Variants in PAK2 observed in about 807,000 individuals in gnomAD.
PAK2 encodes serine/threonine-protein kinase PAK 2.
PAK2 carries 21 observed loss-of-function variants against 65.9 expected under a neutral mutation model. The ratio of observed to expected loss-of-function variants is 0.32; its 90% CI spans 0.23 to 0.46. PAK2 has a LOEUF of 0.46. Among genes scored for constraint, PAK2 ranks in the 20% least tolerant of loss-of-function variants. PAK2 has a pLI of 1.00. For missense variants in PAK2, 324 were observed against 642.6 expected, an observed-to-expected ratio of 0.50 and a Z score of 5.36; for synonymous variants, 204 against 219.7, an observed-to-expected ratio of 0.93 and a Z score of 0.63.
intron 1 of PAK2, among the ~76,000 whole-genome samples, chr3:196,764,551 G>A (rs899412681): frequency 2.2e-4 from 34 of 151,452 alleles, no homozygotes; most frequent in African/African-American, 7.3e-4. Flanking sequence ...CCTGGGAGGC[G>A]GAGGTTGCAG....
rs574455132 is a variant in PAK2, at chr3:196,778,284, C to T, written c.-21-4342C>T. On this transcript the variant is annotated intron_variant, in intron 1 of 14. Transcript: ENST00000327134. ...ATGGATACACCACGTTTTGTGTATCCGTTCATCAGTTGATGGATATTTGGG... is the reference window on the plus strand; with the variant it reads ...ATGGATACACCACGTTTTGTGTATCTGTTCATCAGTTGATGGATATTTGGG... Among the ~76,000 whole-genome samples the T allele has an allele frequency of 4.6e-5, 7 of 152,278 alleles. No individual in the cohort carries two copies. In the East Asian group the frequency reaches 1.2e-3, roughly 25 times the overall value.
At chr3:196,805,116 A>G (rs188486253) in intron 4 of PAK2, among the ~76,000 whole-genome samples, 118 of 152,180 alleles carry the variant, frequency 7.8e-4, no homozygotes, top group Non-Finnish European at 1.1e-3. Flanking sequence ...CACCCATTTT[A>G]AATATATAAT....
At chr3:196,779,405 C>T (rs1462960071) in intron 1 of PAK2, among the ~76,000 whole-genome samples, 1 of 152,152 alleles carries the variant, frequency 6.6e-6, no homozygotes, top group African/African-American at 2.4e-5. Flanking sequence ...TCCATTTTCC[C>T]TTTCCCATGC....
intron 2 of PAK2, among the ~76,000 whole-genome samples, chr3:196,792,732 C>T (rs73891507): frequency 0.019 from 2,817 of 152,150 alleles, 85 homozygotes; most frequent in African/African-American, 0.063. Context: ...TGGTTAAACA[C>T]AGCATGTTGA....
chr3:196,806,527 G>A (rs1715589185), intron 5 of PAK2, 52 bp from the exon 6 acceptor site: 7 of 1,092,214 alleles, frequency 6.4e-6, no homozygotes, highest in East Asian at 2.4e-5. Context: ...GGCGATAGTC[G>A]CATTTAAGCC....
intron 1 of PAK2, among the ~76,000 whole-genome samples, chr3:196,750,371 A>AT (rs1409273417): frequency 6.6e-6 from 1 of 151,648 alleles, no homozygotes; most frequent in South Asian, 2.1e-4. Context: ...TTTTGCAGAT[A>AT]TTTTTTTTCT....
chr3:196,744,969 T>C (rs1255735796), intron 1 of PAK2, among the ~76,000 whole-genome samples: 1 of 152,024 alleles, frequency 6.6e-6, no homozygotes, highest in South Asian at 2.1e-4. Flanking sequence ...AGACTTGTAA[T>C]GTATATTTCC....
At chr3:196,753,693 A>C (rs1477119335) in intron 1 of PAK2, among the ~76,000 whole-genome samples, 1 of 152,152 alleles carries the variant, frequency 6.6e-6, no homozygotes, top group African/African-American at 2.4e-5. Flanking sequence ...TTAGATTGCT[A>C]ACTTCCCTCA....
At chr3:196,789,373 T>C (rs935063128) in intron 2 of PAK2, among the ~76,000 whole-genome samples, 2 of 152,226 alleles carry the variant, frequency 1.3e-5, no homozygotes, top group African/African-American at 4.8e-5. Context: ...AAATGAATTC[T>C]GAGATTAATA....
chr3:196,807,984 T>A lies in PAK2; in HGVS notation c.709+70T>A, dbSNP rs375844865. 159 of 1,470,532 alleles carry A rather than the reference T, an allele frequency of 1.1e-4. No homozygotes were observed. In the African/African-American group the frequency reaches 2.0e-3, roughly 18 times the overall value. The allele number at this position is 1,470,532 out of a possible 1,614,324, so 91.1% of individuals were successfully genotyped here. A position where few individuals can be genotyped will look rare whatever the true frequency, so the allele number is the denominator to read the frequency against. On this transcript the variant is annotated intron_variant, in intron 7 of 14. Transcript: ENST00000327134. ...CTTAAAACATTTGGCCCAGATGGAT[T>A]TTAACTTACACTTTACATTGTGACT...
At chr3:196,742,099 C>CTTTTTTTT (rs60738699) in intron 1 of PAK2, among the ~76,000 whole-genome samples, 2 of 129,008 alleles carry the variant, frequency 1.6e-5, no homozygotes, top group African/African-American at 2.9e-5. Flanking sequence ...ATTAATATTT[C>CTTTTTTTT]TTTTTTTTTT....
intron 8 of PAK2, among the ~76,000 whole-genome samples, chr3:196,811,894 A>G (rs1018742863): frequency 6.6e-6 from 1 of 152,138 alleles, no homozygotes; most frequent in African/African-American, 2.4e-5. Flanking sequence ...GAAAGGGCTT[A>G]TGGGAATCTT....
At chr3:196,789,713 C>G (rs1215568809) in intron 2 of PAK2, among the ~76,000 whole-genome samples, 1 of 152,202 alleles carries the variant, frequency 6.6e-6, no homozygotes, top group Non-Finnish European at 1.5e-5. Context: ...GATCTGCTCA[C>G]CTCAGCCTCC....
In PAK2 at chr3:196,765,642, C is replaced by T. The variant is rs202129809; in HGVS notation, c.-21-16984C>T. 2.7e-4 allele frequency among the ~76,000 whole-genome samples: 41 copies of T among 152,134 alleles called. No homozygotes were observed. In the East Asian group the frequency reaches 6.9e-3, roughly 26 times the overall value. ...ATTAATGTCTGAGGTTGGACATATTCTTATGTATGTGTTCATTATTTGTCA... is the reference window on the plus strand; with the variant it reads ...ATTAATGTCTGAGGTTGGACATATTTTTATGTATGTGTTCATTATTTGTCA... On this transcript the variant is annotated intron_variant, in intron 1 of 14. Transcript: ENST00000327134.
intron 2 of PAK2, among the ~76,000 whole-genome samples, chr3:196,796,527 C>T (rs1357931423): frequency 6.6e-6 from 1 of 152,148 alleles, no homozygotes; most frequent in South Asian, 2.1e-4. Context: ...GATTGCACAA[C>T]TCTAAATATA....
intron 1 of PAK2, 86 bp from the exon 2 acceptor site, chr3:196,782,540 A>C (rs1342587632): frequency 2.4e-5 from 15 of 623,892 alleles, no homozygotes; most frequent in Admixed American, 5.4e-5. Flanking sequence ...TCTAATTGGG[A>C]GTTGTGGCAG....
chr3:196,787,845 C>T (rs965515253), intron 2 of PAK2, among the ~76,000 whole-genome samples: 5 of 152,212 alleles, frequency 3.3e-5, no homozygotes, highest in African/African-American at 1.2e-4. Context: ...GAAGCTGAAA[C>T]ACAGCCCAGT....
intron 11 of PAK2, among the ~76,000 whole-genome samples, chr3:196,815,911 T>C (rs1486692682): frequency 1.3e-5 from 2 of 152,178 alleles, no homozygotes; most frequent in East Asian, 1.9e-4. Flanking sequence ...AGTTCACTAA[T>C]GGTGAAGAAA....
intron 2 of PAK2, among the ~76,000 whole-genome samples, chr3:196,797,674 C>T (rs1715299392): frequency 1.3e-5 from 2 of 151,868 alleles, no homozygotes; most frequent in Non-Finnish European, 1.5e-5. Context: ...TTGCTTGAAC[C>T]CAGGAGGCGG....
Sources: allele counts gnomAD v4.1 joint callset (sites outside exome capture counted in the v4.1 genomes callset), GRCh38; gene constraint gnomAD v4.1.1; transcripts MANE v1.5; gene names NCBI Gene and HGNC (gene_info 2026-07-23, HGNC 2026-07-21).